The following STAT4 variants were observed in gnomAD, a reference collection of about 807,000 sequenced individuals.
The protein encoded by STAT4 is signal transducer and activator of transcription 4.
A neutral mutation model predicts 110.5 loss-of-function variants in STAT4; 42 were observed. The ratio of observed to expected loss-of-function variants is 0.38; its 90% CI spans 0.30 to 0.49. The LOEUF (loss-of-function observed/expected upper bound fraction) is 0.49, where lower values mean the gene tolerates loss of function less well. Ranked by LOEUF, STAT4 falls within the 20% of genes least tolerant of loss-of-function variation. The pLI is 0.95. For missense variants in STAT4, 632 were observed against 887.9 expected, an observed-to-expected ratio of 0.71 and a Z score of 3.66; for synonymous variants, 284 against 302.2, an observed-to-expected ratio of 0.94 and a Z score of 0.63.
intron 14 of STAT4, among the ~76,000 whole-genome samples, chr2:191,045,404 A>G (rs947176838): frequency 1.3e-5 from 2 of 152,224 alleles, no homozygotes; most frequent in Non-Finnish European, 2.9e-5. Flanking sequence ...ATTATTCTCA[A>G]TGTGTGTATC....
chr2:191,034,781 A>T (rs1695999205), intron 17 of STAT4, among the ~76,000 whole-genome samples, 184 bp from the exon 18 acceptor site: 1 of 152,208 alleles, frequency 6.6e-6, no homozygotes, highest in South Asian at 2.1e-4. Context: ...TAAGAAATTT[A>T]TTATCTAGAA....
chr2:191,033,644 A>G lies in STAT4; in HGVS notation c.1716-18T>C. 6.2e-7 allele frequency: 1 copy of G among 1,608,862 alleles called. No individual in the cohort carries two copies. The highest frequency in any genetic ancestry group is 1.3e-5 in the African/African-American group (1 of 74,648). The stretch of plus-strand genomic sequence containing the variant: ...TGACATACCTAAAAATAGAACATGC[A>G]TTATTTCATCTGATCATTATTGGAT... On this transcript the variant is annotated intron_variant, in intron 19 of 23. Transcript: ENST00000392320. The surrounding 1 kb of genome is among the most constrained non-coding windows in gnomAD (Gnocchi z 6.9).
chr2:191,089,460 A>C lies in STAT4; in HGVS notation c.274-13135T>G, dbSNP rs191748689. Among the ~76,000 whole-genome samples, 65 of 152,304 alleles carry C rather than the reference A, an allele frequency of 4.3e-4. No individual in the cohort carries two copies. The East Asian group carries it at 0.012, about 28-fold the overall frequency. Reference sequence around the variant, plus strand: ...GAAACTTTCATTTGTTGCTCGTGGGAGTGAAAAATAATACAGCCATTTTCA... The same window carrying C: ...GAAACTTTCATTTGTTGCTCGTGGGCGTGAAAAATAATACAGCCATTTTCA... On this transcript the variant is annotated intron_variant, in intron 3 of 23. Coordinates refer to ENST00000392320, the MANE Select transcript of STAT4 (RefSeq NM_003151.4).
Position 191,054,522 on chromosome 2 carries a change from T to A in STAT4, c.1219A>T (p.Met407Leu), listed in dbSNP as rs1308921436. The A allele has an allele frequency of 2.5e-5, 41 of 1,612,464 alleles. No homozygotes were observed. Among genetic ancestry groups the A allele is most frequent in the Non-Finnish European group, 3.4e-5 (40 of 1,179,594 alleles). The change falls in exon 14 of 24, where the codon ATG becomes TTG. Residue 407 changes from methionine (M) to leucine (L), a missense_variant. By Grantham distance (15) the Met-to-Leu change is conservative. Transcript: ENST00000392320. ...CCTTTACCTCCAGCACTGGACTTCA[T>A]TTCCTTTGGTTGCTTTGTAAAAGAA... ...VEFRHLQPKE[M>L]KSSAGGKGNE...
chr2:191,081,845 A>C (rs1697489409), intron 3 of STAT4, among the ~76,000 whole-genome samples: 1 of 152,184 alleles, frequency 6.6e-6, no homozygotes. Flanking sequence ...TATGATTTTA[A>C]GTCTTGCCAA....
chr2:191,095,537 C>A (rs1697945065), intron 3 of STAT4, among the ~76,000 whole-genome samples: 2 of 152,144 alleles, frequency 1.3e-5, no homozygotes, highest in African/African-American at 4.8e-5. Context: ...GAAATGAAGG[C>A]AGAAATAAAG....
At chr2:191,136,618 G>A (rs993495928) in intron 3 of STAT4, among the ~76,000 whole-genome samples, 1 of 152,140 alleles carries the variant, frequency 6.6e-6, no homozygotes. Flanking sequence ...TGGGTGTGGT[G>A]GCATGTGCCT....
chr2:191,097,134 T>C (rs1447802770), intron 3 of STAT4, among the ~76,000 whole-genome samples: 1 of 152,046 alleles, frequency 6.6e-6, no homozygotes, highest in East Asian at 1.9e-4. Flanking sequence ...CACAAACAAA[T>C]GGAAGAACAT....
intron 4 of STAT4, 65 bp from the exon 5 acceptor site, chr2:191,073,255 C>T: frequency 2.2e-6 from 3 of 1,335,456 alleles, no homozygotes; most frequent in South Asian, 2.4e-5. Flanking sequence ...GCAATACATA[C>T]CGCATACAAT....
chr2:191,117,417 G>A lies in STAT4; in HGVS notation c.273+29196C>T, dbSNP rs1489276448. 6.6e-6 allele frequency among the ~76,000 whole-genome samples: 1 copy of A among 152,110 alleles called. No individual in the cohort carries two copies. The highest frequency in any genetic ancestry group is 1.5e-5 in the Non-Finnish European group (1 of 68,022). ...TGATTATCTTCCAGAACATCCTCGG[G>A]CATTTCTTCTTGTCCTAAAATAATA... is the stretch of plus-strand genomic sequence containing the variant. On this transcript the variant is annotated intron_variant, in intron 3 of 23. Transcript: ENST00000392320. This position sits in a 1 kb window ranked among gnomAD's most constrained non-coding sequence, Gnocchi z 5.2.
chr2:191,056,420 G>A (rs1696695205), intron 13 of STAT4, among the ~76,000 whole-genome samples: 1 of 152,148 alleles, frequency 6.6e-6, no homozygotes, highest in South Asian at 2.1e-4. Context: ...ATGACAAGGT[G>A]AACTGTGTAC....
At chr2:191,048,331 G>A (rs1457672856) in intron 14 of STAT4, among the ~76,000 whole-genome samples, 3 of 152,250 alleles carry the variant, frequency 2.0e-5, no homozygotes, top group East Asian at 1.9e-4. Context: ...GAGGAAAGAC[G>A]CTCTGACCAA....
chr2:191,150,879 G>T lies in STAT4; in HGVS notation c.-2+68C>A. 1 of 974,060 alleles carries T rather than the reference G, an allele frequency of 1.0e-6. No individual in the cohort carries two copies. The highest frequency in any genetic ancestry group is 1.2e-6 in the Non-Finnish European group (1 of 819,600). The allele number at this position is 974,060 out of a possible 1,614,324, so 60.3% of individuals were successfully genotyped here. ...AACGCCAAGGGAAAGCAAAGCTTCA[G>T]AGTATCCTGCATAATAAGCATGTCC... On this transcript the variant is annotated intron_variant, in intron 1 of 23. Transcript: ENST00000392320. The surrounding 1 kb of genome is among the most constrained non-coding windows in gnomAD (Gnocchi z 6.4).
intron 3 of STAT4, among the ~76,000 whole-genome samples, chr2:191,139,865 T>A (rs1359481658): frequency 6.6e-6 from 1 of 152,212 alleles, no homozygotes; most frequent in Non-Finnish European, 1.5e-5. Flanking sequence ...ATTAGAAGGC[T>A]ATAGTTACCA....
intron 3 of STAT4, among the ~76,000 whole-genome samples, chr2:191,134,642 C>G (rs1278191769): frequency 6.6e-6 from 1 of 152,148 alleles, no homozygotes; most frequent in Non-Finnish European, 1.5e-5. Flanking sequence ...CACTCAGAAT[C>G]AAAGCCAAAG....
intron 5 of STAT4, 49 bp downstream of exon 5, chr2:191,073,049 T>C (rs1357869848): frequency 1.3e-6 from 2 of 1,515,668 alleles, no homozygotes; most frequent in African/African-American, 2.8e-5. Flanking sequence ...TGCATAGTTA[T>C]ATGGGGACAG....
Position 191,060,629 on chromosome 2 carries a change from G to A in STAT4, c.1034+1100C>T, listed in dbSNP as rs1213231714. Among the ~76,000 whole-genome samples, 1 of 152,134 alleles carries A rather than the reference G, an allele frequency of 6.6e-6. No individual in the cohort carries two copies. On this transcript the variant is annotated intron_variant, in intron 10 of 23. Transcript: ENST00000392320. This position sits in a 1 kb window ranked among gnomAD's most constrained non-coding sequence, Gnocchi z 4.5. ...AGATGGGGTATTGCCATGTTGTCCA[G>A]GCTGGTCTTGAACTCCTGACCTCAG...
intron 14 of STAT4, among the ~76,000 whole-genome samples, chr2:191,048,011 C>T (rs917523001): frequency 6.6e-6 from 1 of 152,166 alleles, no homozygotes; most frequent in African/African-American, 2.4e-5. Context: ...TAATTCAGTA[C>T]TGATAGCTTC....
chr2:191,064,826 G>A lies in STAT4; in HGVS notation c.763C>T (p.Leu255Phe). The A allele has an allele frequency of 2.5e-6, 4 of 1,612,318 alleles. No individual in the cohort carries two copies. The highest frequency in any genetic ancestry group is 3.4e-6 in the Non-Finnish European group (4 of 1,179,316). The change falls in exon 8 of 24, where the codon CTC (leucine) becomes TTC (phenylalanine). Residue 255 changes from leucine to phenylalanine, a missense_variant. Physicochemically the swap from Leu to Phe is conservative, Grantham distance 22. Transcript: ENST00000392320. ...ACIGGPLHNG[L>F]DQLQNCFTLL... ...TTTTACCAGTTCTGAAGCTGGTCGA[G>A]CCCATTGTGGAGTGGACCCCCGATG...
Sources: gnomAD v4.1 joint callset for allele counts (sites outside exome capture counted in the v4.1 genomes callset) on GRCh38, gnomAD v4.1.1 for gene constraint, Gnocchi (gnomAD v3.1) non-coding constraint, MANE v1.5 for transcripts, NCBI Gene and HGNC (gene_info 2026-07-23, HGNC 2026-07-21) for gene names.